The following YEATS4 variants were observed in gnomAD, a reference collection of about 807,000 sequenced individuals.
YEATS4 encodes YEATS domain containing 4, also known as YEATS domain-containing protein 4.
A neutral mutation model predicts 30.1 loss-of-function variants in YEATS4; 17 were observed. That is an observed-to-expected ratio of 0.56 (90% confidence interval 0.39 to 0.85). The LOEUF is 0.85. Among genes scored for constraint, YEATS4 ranks in the 40% least tolerant of loss-of-function variants. The pLI is 0.00. For missense variants in YEATS4, 142 were observed against 268.3 expected, an observed-to-expected ratio of 0.53 and a Z score of 3.29; for synonymous variants, 85 against 87.5, an observed-to-expected ratio of 0.97 and a Z score of 0.16.
chr12:69,384,571 T>G (rs1200351004), intron 6 of YEATS4, among the ~76,000 whole-genome samples: 2 of 152,236 alleles, frequency 1.3e-5, no homozygotes, highest in Non-Finnish European at 2.9e-5. Context: ...CATCACTTCA[T>G]AGTACTTACC....
At chr12:69,388,702 C>G (rs890858581) in intron 6 of YEATS4, among the ~76,000 whole-genome samples, 4 of 152,206 alleles carry the variant, frequency 2.6e-5, no homozygotes, top group Admixed American at 2.6e-4. Context: ...TAGATAGTTT[C>G]AGATATCACT....
the YEATS4 span, among the ~76,000 whole-genome samples, chr12:69,409,905 T>C: frequency 6.6e-6 from 1 of 152,162 alleles, no homozygotes; most frequent in African/African-American, 2.4e-5. Context: ...AGGAATATGA[T>C]GTGAAGACAA....
the YEATS4 span, among the ~76,000 whole-genome samples, chr12:69,398,945 T>C: frequency 4.6e-5 from 7 of 151,820 alleles, no homozygotes; most frequent in African/African-American, 1.5e-4. Context: ...GGTCAGGAGA[T>C]TGAGACCATC....
At chr12:69,404,983 G>C in the YEATS4 span, among the ~76,000 whole-genome samples, 1 of 152,244 alleles carries the variant, frequency 6.6e-6, no homozygotes, top group African/African-American at 2.4e-5. Context: ...TATAGAGAGA[G>C]AATGAAGTTG....
chr12:69,421,742 C>A, the YEATS4 span, among the ~76,000 whole-genome samples: 3 of 152,326 alleles, frequency 2.0e-5, no homozygotes, highest in South Asian at 6.2e-4. Flanking sequence ...CTGGTGACCA[C>A]ATGCCCCACC....
chr12:69,385,839 C>A (rs968770429), intron 6 of YEATS4, among the ~76,000 whole-genome samples: 2 of 152,092 alleles, frequency 1.3e-5, no homozygotes, highest in African/African-American at 4.8e-5. Flanking sequence ...TCTAAAATAA[C>A]CCTAGGAGGA....
the YEATS4 span, among the ~76,000 whole-genome samples, chr12:69,412,782 G>A: frequency 1.1e-3 from 169 of 152,302 alleles, 4 homozygotes; most frequent in South Asian, 0.029. Context: ...GGGCTACAGA[G>A]TGCCTTCCTG....
At chr12:69,363,841 A>T (rs1353499555) in intron 2 of YEATS4, among the ~76,000 whole-genome samples, 1 of 152,248 alleles carries the variant, frequency 6.6e-6, no homozygotes, top group Non-Finnish European at 1.5e-5. Context: ...ATAAAATGTG[A>T]TATATCCATA....
the YEATS4 span, among the ~76,000 whole-genome samples, chr12:69,404,938 CAGCT>C: frequency 6.6e-6 from 1 of 152,158 alleles, no homozygotes; most frequent in Non-Finnish European, 1.5e-5. Context: ...AGAGCTGGTA[CAGCT>C]ATGTGCATGG....
chr12:69,389,211 A>G (rs1436692774), intron 6 of YEATS4, among the ~76,000 whole-genome samples: 1 of 151,950 alleles, frequency 6.6e-6, no homozygotes, highest in Non-Finnish European at 1.5e-5. Flanking sequence ...GCACTTTGGG[A>G]GGCTAAGGAG....
intron 6 of YEATS4, among the ~76,000 whole-genome samples, chr12:69,378,513 C>A (rs1471188049): frequency 3.3e-5 from 5 of 151,714 alleles, no homozygotes; most frequent in Non-Finnish European, 7.4e-5. Context: ...ATTTTAATTT[C>A]TTTTTATTTT....
At chr12:69,406,687 T>G in the YEATS4 span, among the ~76,000 whole-genome samples, 1 of 152,254 alleles carries the variant, frequency 6.6e-6, no homozygotes, top group East Asian at 1.9e-4. Flanking sequence ...TAATATTATA[T>G]GTCATGAACT....
At chr12:69,403,018 C>T in the YEATS4 span, among the ~76,000 whole-genome samples, 6 of 151,894 alleles carry the variant, frequency 4.0e-5, no homozygotes, top group African/African-American at 7.3e-5. Context: ...CCACCACGCC[C>T]GGCTTGCTAT....
the YEATS4 span, among the ~76,000 whole-genome samples, chr12:69,424,118 T>A: frequency 6.6e-6 from 1 of 152,324 alleles, no homozygotes; most frequent in Non-Finnish European, 1.5e-5. Context: ...ATAAAGACCC[T>A]GGATTCTTGG....
the YEATS4 span, among the ~76,000 whole-genome samples, chr12:69,412,471 A>T: frequency 6.6e-6 from 1 of 152,082 alleles, no homozygotes; most frequent in Non-Finnish European, 1.5e-5. Context: ...CAATATGGTG[A>T]AACCCCGTCT....
the YEATS4 span, among the ~76,000 whole-genome samples, chr12:69,413,472 C>T: frequency 2.0e-5 from 3 of 151,300 alleles, no homozygotes; most frequent in East Asian, 1.9e-4. Flanking sequence ...ACAGAAGAAA[C>T]GGCAGCCTAA....
At chr12:69,377,968 T>C (rs544506318) in intron 6 of YEATS4, among the ~76,000 whole-genome samples, 25 of 152,348 alleles carry the variant, frequency 1.6e-4, no homozygotes, top group Admixed American at 1.5e-3. Flanking sequence ...TATTGTTGTA[T>C]TGGGGTCTAT....
intron 6 of YEATS4, among the ~76,000 whole-genome samples, chr12:69,381,488 G>T (rs1876077720): frequency 1.3e-5 from 2 of 152,078 alleles, no homozygotes; most frequent in Admixed American, 1.3e-4. Flanking sequence ...AATCATCACA[G>T]GGTCCTGAGG....
chr12:69,366,404 T>G (rs924963514), intron 4 of YEATS4, among the ~76,000 whole-genome samples: 2 of 152,096 alleles, frequency 1.3e-5, no homozygotes, highest in Admixed American at 1.3e-4. Flanking sequence ...CCCTCCAGGC[T>G]TTTGCTTTGA....
Sources: allele counts gnomAD v4.1 joint callset (sites outside exome capture counted in the v4.1 genomes callset), GRCh38; gene constraint gnomAD v4.1.1; transcripts MANE v1.5; gene names NCBI Gene and HGNC (gene_info 2026-07-23, HGNC 2026-07-21).